SUFU: variants seen among roughly 807,000 people sequenced by gnomAD.
SUFU encodes the protein SUFU negative regulator of hedgehog signaling.
A neutral mutation model predicts 58.9 loss-of-function variants in SUFU; 7 were observed. The ratio of observed to expected loss-of-function variants is 0.12; its 90% CI spans 0.07 to 0.22. The LOEUF (loss-of-function observed/expected upper bound fraction) is 0.22. Among genes scored for constraint, SUFU ranks in the 10% least tolerant of loss-of-function variants. The pLI, the probability that SUFU is intolerant of heterozygous loss-of-function variation, is 1.00. For missense variants in SUFU, 451 were observed against 641.3 expected (o/e 0.70, Z 3.20); for synonymous variants, 232 against 254.8 (o/e 0.91, Z 0.85).
At chr10:102,547,989 A>T (rs1053752272) in intron 2 of SUFU, among the ~76,000 whole-genome samples, 1 of 150,872 alleles carries the variant, frequency 6.6e-6, no homozygotes, top group Non-Finnish European at 1.5e-5. Context: ...TATCTCTACT[A>T]AAAAAAAAGA....
At chr10:102,519,219 CTCAAG>C (rs1312843464) in intron 2 of SUFU, among the ~76,000 whole-genome samples, 1 of 150,050 alleles carries the variant, frequency 6.7e-6, no homozygotes, top group East Asian at 2.0e-4. Flanking sequence ...GGTGTCATCT[CTCAAG>C]TCAAGACTTC....
intron 3 of SUFU, among the ~76,000 whole-genome samples, chr10:102,577,080 C>CTT (rs10656431): frequency 0.011 from 1,060 of 96,870 alleles, 58 homozygotes; most frequent in East Asian, 0.022. Context: ...TGGATTTTTT[C>CTT]TTTTCTTTTT....
chr10:102,594,043 T>C lies in SUFU; in HGVS notation c.734T>C (p.Phe245Ser), dbSNP rs1303650670. Reference protein sequence around the residue: ...ITDMRRGETIFEIDPHLQERV... With the variant: ...ITDMRRGETISEIDPHLQERV... ...GACATGCGGAGGGGAGAGACCATATTTGAGATCGATCCACACCTGCAAGTA... is the reference window on the plus strand; with the variant it reads ...GACATGCGGAGGGGAGAGACCATATCTGAGATCGATCCACACCTGCAAGTA... The change falls in exon 6 of 12, where the codon TTT (phenylalanine) becomes TCT (serine). Residue 245 changes from phenylalanine (F) to serine (S), a missense_variant. Transcript: ENST00000369902. 1.2e-6 allele frequency: 2 copies of C among 1,613,204 alleles called. No homozygotes were observed. The highest frequency in any genetic ancestry group is 2.2e-5 in the East Asian group (1 of 44,806).
At chr10:102,581,209 A>AAG (rs2063275672) in intron 3 of SUFU, among the ~76,000 whole-genome samples, 1 of 96,384 alleles carries the variant, frequency 1.0e-5, no homozygotes, top group African/African-American at 4.2e-5. Context: ...AAAAAAAAAA[A>AAG]AAGAAGAAGA....
In SUFU at chr10:102,629,565, C is replaced by T. The variant is rs566576324; in HGVS notation, c.1366-501C>T. Among the ~76,000 whole-genome samples, 2 of 152,204 alleles carry T rather than the reference C, an allele frequency of 1.3e-5. No homozygotes were observed. Among genetic ancestry groups the T allele is most frequent in the Non-Finnish European group, 1.5e-5 (1 of 68,036 alleles). On this transcript the variant is annotated intron_variant, in intron 11 of 11. Transcript: ENST00000369902. The surrounding 1 kb of genome is among the most constrained non-coding windows in gnomAD (Gnocchi z 4.7). ...GCAAGTGTGGTTCTGACTTTGGGGC[C>T]GAACTGGGGCCTCCTTCCCTTTGGA...
Position 102,619,442 on chromosome 10 carries a change from T to G in SUFU, c.1296+2014T>G. ...TGGCCTCGGCATGTTTCAATAAAGT[T>G]GCTGTGCTGGGAGCTACTCAATCAA... On this transcript the variant is annotated intron_variant, in intron 10 of 11. Transcript: ENST00000369902. This position sits in a 1 kb window ranked among gnomAD's most constrained non-coding sequence, Gnocchi z 4.2. The G allele has an allele frequency of 7.6e-7, 1 of 1,309,302 alleles. No homozygotes were observed. Among genetic ancestry groups the G allele is most frequent in the Non-Finnish European group, 9.8e-7 (1 of 1,021,362 alleles). 81.1% of individuals were successfully genotyped at this position (1,309,302 alleles called of 1,614,324 possible). A position where few individuals can be genotyped will look rare whatever the true frequency, so the allele number is the denominator to read the frequency against.
At chr10:102,623,368 C>T (rs1477280904) in intron 10 of SUFU, among the ~76,000 whole-genome samples, 1 of 152,214 alleles carries the variant, frequency 6.6e-6, no homozygotes, top group Non-Finnish European at 1.5e-5. Flanking sequence ...GGTTTGCCTT[C>T]CTTTTCATTG....
chr10:102,618,005 T>C (rs7091457), intron 10 of SUFU: 161,739 of 162,822 alleles, frequency 0.99, 80,337 homozygotes, highest in South Asian at 1. Flanking sequence ...TTTGCTCTTC[T>C]GGCTGGAGCG....
intron 6 of SUFU, among the ~76,000 whole-genome samples, chr10:102,594,811 C>T (rs1050602679): frequency 6.6e-6 from 1 of 152,148 alleles, no homozygotes; most frequent in Non-Finnish European, 1.5e-5. Flanking sequence ...CTCCGCCTCC[C>T]AGGGTCAAGC....
At chr10:102,538,554 C>T (rs532504172) in intron 2 of SUFU, among the ~76,000 whole-genome samples, 191 of 152,106 alleles carry the variant, frequency 1.3e-3, no homozygotes, top group African/African-American at 4.5e-3. Context: ...TTTTTAGAGC[C>T]GTTTTAGGTT....
chr10:102,513,594 A>G (rs539118004), intron 2 of SUFU, among the ~76,000 whole-genome samples: 31 of 152,368 alleles, frequency 2.0e-4, no homozygotes, highest in Non-Finnish European at 3.4e-4. Flanking sequence ...GGTGTAAAAC[A>G]CGGTCTGGGA....
rs1479185541 is a variant in SUFU, at chr10:102,542,447, T to A, written c.318-7523T>A. Among the ~76,000 whole-genome samples the A allele has an allele frequency of 1.1e-4, 14 of 124,778 alleles. No individual in the cohort carries two copies. The South Asian group carries it at 1.6e-3, about 14-fold the overall frequency. 81.9% of individuals were successfully genotyped at this position (124,778 alleles called of 152,430 possible). On this transcript the variant is annotated intron_variant, in intron 2 of 11. Coordinates refer to ENST00000369902, the MANE Select transcript of SUFU (RefSeq NM_016169.4). Reference sequence around the variant, plus strand: ...CGCCCGGCCTATATATATATATATTTTTTTTTAAGTAGAGATGGGGTTTCA... The same window carrying A: ...CGCCCGGCCTATATATATATATATTATTTTTTAAGTAGAGATGGGGTTTCA...
chr10:102,521,007 C>T (rs146592197), intron 2 of SUFU, among the ~76,000 whole-genome samples: 1 of 152,156 alleles, frequency 6.6e-6, no homozygotes, highest in Admixed American at 6.5e-5. Flanking sequence ...AATGCTAGAT[C>T]GTATGTTAAG....
intron 2 of SUFU, among the ~76,000 whole-genome samples, chr10:102,518,920 A>T (rs569415136): frequency 1.2e-4 from 18 of 150,328 alleles, no homozygotes; most frequent in Admixed American, 3.3e-4. Flanking sequence ...CAGGCGGATC[A>T]TGAGGTCAGG....
At chr10:102,505,885 A>G (rs2062319267) in intron 1 of SUFU, among the ~76,000 whole-genome samples, 1 of 151,950 alleles carries the variant, frequency 6.6e-6, no homozygotes, top group African/African-American at 2.4e-5. Context: ...GTTGTGATGA[A>G]CTTGTTGTCA....
At chr10:102,526,829 A>G (rs1589992832) in intron 2 of SUFU, among the ~76,000 whole-genome samples, 1 of 152,128 alleles carries the variant, frequency 6.6e-6, no homozygotes, top group East Asian at 1.9e-4. Flanking sequence ...AACAGCTAGT[A>G]TAAAGGCCCT....
rs747747662 is a variant in SUFU, at chr10:102,599,533, C to T, written c.1011C>T (p.His337=). ...CTCAGCGGCAGAATGGCCTCGCCCA[C>T]GACCGGGCCCCGTAAGTTCCCCAGT... ...INPQRQNGLA[H]DRAPSRKDSL... Residue 337 remains histidine, a synonymous_variant, in exon 8 of 12, where the codon CAC becomes CAT. Transcript: ENST00000369902. 18 of 1,613,970 alleles carry T rather than the reference C, an allele frequency of 1.1e-5. No homozygotes were observed. The highest frequency in any genetic ancestry group is 4.4e-5 in the South Asian group (4 of 91,082).
intron 1 of SUFU, among the ~76,000 whole-genome samples, chr10:102,507,161 G>A (rs958225142): frequency 6.6e-6 from 1 of 152,216 alleles, no homozygotes; most frequent in African/African-American, 2.4e-5. Flanking sequence ...ACTCTTGGTA[G>A]TTCCTTGCAG....
In SUFU at chr10:102,617,379, C is replaced by A. The variant is rs2063698018; in HGVS notation, c.1247C>A (p.Ala416Asp). 6.2e-7 allele frequency: 1 copy of A among 1,614,238 alleles called. No homozygotes were observed. Among genetic ancestry groups the A allele is most frequent in the Admixed American group, 1.7e-5 (1 of 60,024 alleles). Residue 416 changes from alanine (A) to aspartate (D), a missense_variant, in exon 10 of 12, where the codon GCC becomes GAC. Coordinates refer to ENST00000369902, the MANE Select transcript of SUFU (RefSeq NM_016169.4). The surrounding 1 kb of genome is among the most constrained non-coding windows in gnomAD (Gnocchi z 4.4). ...TTTGTCTCCACGGGAGTGGAAGGCGCCTTTGCCACTGAGGAGCATCCTTAC... is the reference window on the plus strand; with the variant it reads ...TTTGTCTCCACGGGAGTGGAAGGCGACTTTGCCACTGAGGAGCATCCTTAC... ...ITFVSTGVEG[A>D]FATEEHPYAA... is the part of the protein sequence containing the mutation.
Sources: allele counts gnomAD v4.1 joint callset (sites outside exome capture counted in the v4.1 genomes callset), GRCh38; gene constraint gnomAD v4.1.1; non-coding constraint Gnocchi (gnomAD v3.1); transcripts MANE v1.5; gene names NCBI Gene and HGNC (gene_info 2026-07-23, HGNC 2026-07-21).